SEL1L3: variants seen among roughly 807,000 people sequenced by gnomAD.
SEL1L3 encodes protein sel-1 homolog 3.
Under a neutral mutation model 142.8 loss-of-function variants are expected in SEL1L3, and 76 were observed. The observed-to-expected ratio is 0.53, with a 90% CI of 0.44 to 0.64. The LOEUF is 0.64. Ranked by LOEUF, SEL1L3 falls within the 30% of genes least tolerant of loss-of-function variation. The probability of loss-of-function intolerance (pLI) is 0.00; values close to 1 mark genes in which losing one functional copy is unlikely to be tolerated. For synonymous variants in SEL1L3, 504 were observed against 519.6 expected (o/e 0.97, Z 0.41); for missense variants, 1,262 against 1,381.7 (o/e 0.91, Z 1.37).
intron 7 of SEL1L3, 37 bp from the exon 8 acceptor site, chr4:25,819,977 G>A: frequency 6.3e-7 from 1 of 1,588,968 alleles, no homozygotes; most frequent in Non-Finnish European, 8.6e-7. Flanking sequence ...AACAACAATT[G>A]TCATCAAATA....
At chr4:25,853,737 T>G (rs531480600) in intron 1 of SEL1L3, among the ~76,000 whole-genome samples, 1 of 137,854 alleles carries the variant, frequency 7.3e-6, no homozygotes, top group East Asian at 2.5e-4. Flanking sequence ...AATAGGGCAA[T>G]CTCGGCTCAT....
chr4:25,797,898 G>T (rs532167205), intron 11 of SEL1L3, among the ~76,000 whole-genome samples: 2 of 152,294 alleles, frequency 1.3e-5, no homozygotes, highest in East Asian at 3.9e-4. Context: ...TGGGAGAGAT[G>T]TGCCTAGATG....
intron 11 of SEL1L3, among the ~76,000 whole-genome samples, chr4:25,797,302 C>T (rs1316593868): frequency 3.3e-5 from 5 of 152,168 alleles, no homozygotes; most frequent in African/African-American, 9.7e-5. Flanking sequence ...AACTCAGGAG[C>T]AGGCTCAGCT....
At chr4:25,848,762 TGCACTC>T (rs1220992425) in intron 1 of SEL1L3, among the ~76,000 whole-genome samples, 1 of 152,222 alleles carries the variant, frequency 6.6e-6, no homozygotes, top group Non-Finnish European at 1.5e-5. Flanking sequence ...GGAACCCTTA[TGCACTC>T]TTAATGAGAA....
chr4:25,750,529 G>A (rs1460375127), intron 23 of SEL1L3, among the ~76,000 whole-genome samples: 1 of 152,184 alleles, frequency 6.6e-6, no homozygotes, highest in African/African-American at 2.4e-5. Context: ...CCTAGAAATT[G>A]TATGCTATAA....
At chr4:25,828,964 C>T (rs926459086) in intron 6 of SEL1L3, among the ~76,000 whole-genome samples, 1 of 152,116 alleles carries the variant, frequency 6.6e-6, no homozygotes, top group Non-Finnish European at 1.5e-5. Flanking sequence ...ATTTTTATTT[C>T]TGATCTTTAC....
chr4:25,767,181 C>T (rs993346294), intron 19 of SEL1L3, among the ~76,000 whole-genome samples: 3 of 152,072 alleles, frequency 2.0e-5, no homozygotes, highest in Admixed American at 2.0e-4. Flanking sequence ...GAAATCCCAG[C>T]TACTCGGGCA....
chr4:25,738,830 T>C, the SEL1L3 span, among the ~76,000 whole-genome samples: 12 of 152,170 alleles, frequency 7.9e-5, no homozygotes, highest in Non-Finnish European at 1.5e-4. Context: ...GTGGTCACAC[T>C]AATGCATTTG....
At chr4:25,811,356 G>A (rs1016172592) in intron 9 of SEL1L3, among the ~76,000 whole-genome samples, 3 of 152,228 alleles carry the variant, frequency 2.0e-5, no homozygotes, top group Non-Finnish European at 2.9e-5. Context: ...GAAACAGAAC[G>A]ATGTTTTACA....
intron 11 of SEL1L3, among the ~76,000 whole-genome samples, chr4:25,801,157 C>T (rs1027423483): frequency 9.2e-5 from 14 of 152,222 alleles, no homozygotes; most frequent in Admixed American, 9.2e-4. Flanking sequence ...AATCCCAGCA[C>T]TTTGGGAGGG....
At chr4:25,766,042 T>C (rs1356888749) in intron 19 of SEL1L3, among the ~76,000 whole-genome samples, 5 of 152,196 alleles carry the variant, frequency 3.3e-5, no homozygotes, top group Non-Finnish European at 5.9e-5. Context: ...GTGTTTTACT[T>C]CACATCTGAA....
the SEL1L3 span, chr4:25,720,482 A>G: frequency 6.6e-6 from 1 of 152,202 alleles, no homozygotes; most frequent in African/African-American, 2.4e-5. Flanking sequence ...ATTGATTGGA[A>G]GTCAATGGTA....
rs1181702896 is a variant in SEL1L3, at chr4:25,794,401, TGCAGGCAA to T, written c.1957-3835_1957-3828del. Among the ~76,000 whole-genome samples the T allele has an allele frequency of 2.0e-5, 3 of 152,326 alleles. No homozygotes were observed. In the East Asian group the frequency reaches 5.8e-4, roughly 29 times the overall value. On this transcript the variant is annotated intron_variant, in intron 11 of 23. Transcript: ENST00000399878. ...GACACTTCTCAAAAGAAGACATTTA[TGCAGGCAA>T]CAAATGTAGGGGAAAAAAAGCTCAA...
chr4:25,804,417 G>T lies in SEL1L3; in HGVS notation c.1776+124C>A. ...CACAGCCCCAGGACATTTATCTTGAGTGTAAAGATTTTTAAAGGTCTCCAA... is the reference window on the plus strand; with the variant it reads ...CACAGCCCCAGGACATTTATCTTGATTGTAAAGATTTTTAAAGGTCTCCAA... On this transcript the variant is annotated intron_variant, in intron 10 of 23. Transcript: ENST00000399878. 6 of 709,444 alleles carry T rather than the reference G, an allele frequency of 8.5e-6. No individual in the cohort carries two copies. The South Asian group carries it at 1.0e-4, about 12-fold the overall frequency. The allele number at this position is 709,444 out of a possible 1,614,324, so 43.9% of individuals were successfully genotyped here. A position where few individuals can be genotyped will look rare whatever the true frequency, so the allele number is the denominator to read the frequency against.
chr4:25,732,323 C>T, the SEL1L3 span, among the ~76,000 whole-genome samples: 1 of 152,130 alleles, frequency 6.6e-6, no homozygotes, highest in African/African-American at 2.4e-5. Flanking sequence ...TATTTAGAGC[C>T]TATATTGACA....
downstream of SEL1L3, among the ~76,000 whole-genome samples, chr4:25,744,153 G>T (rs1335749284): frequency 6.6e-6 from 1 of 152,080 alleles, no homozygotes; most frequent in Non-Finnish European, 1.5e-5. Context: ...TCCCGTGAAT[G>T]AGTCCATATG....
Position 25,818,250 on chromosome 4 carries a change from G to C in SEL1L3, c.1452C>G (p.Leu484=), listed in dbSNP as rs761970262. Residue 484 remains leucine (L), a synonymous_variant, in exon 9 of 24, where the codon CTC becomes CTG. Transcript: ENST00000399878. ...TCGAGGGTCTCCCATACCTGCGCTGGAGGTCCAGGTAGGAGTTGTGGAGGT... is the reference window on the plus strand; with the variant it reads ...TCGAGGGTCTCCCATACCTGCGCTGCAGGTCCAGGTAGGAGTTGTGGAGGT... The part of the protein sequence containing the change: ...ACHLHNSYLD[L]QRRYGRPSMC... 5.2e-5 allele frequency: 84 copies of C among 1,602,430 alleles called. No individual in the cohort carries two copies. Among genetic ancestry groups the C allele is most frequent in the Non-Finnish European group, 6.2e-5 (73 of 1,174,454 alleles).
At chr4:25,855,134 A>G (rs1306999031) in intron 1 of SEL1L3, among the ~76,000 whole-genome samples, 1 of 152,234 alleles carries the variant, frequency 6.6e-6, no homozygotes, top group Non-Finnish European at 1.5e-5. Context: ...CTATGCACAA[A>G]ACCAACACTG....
intron 2 of SEL1L3, among the ~76,000 whole-genome samples, chr4:25,844,222 C>A (rs1241605250): frequency 1.3e-5 from 2 of 152,306 alleles, no homozygotes; most frequent in South Asian, 4.1e-4. Flanking sequence ...AGGCTTGGCC[C>A]CCTTCTATCC....
Sources: gnomAD v4.1 joint callset for allele counts (sites outside exome capture counted in the v4.1 genomes callset) on GRCh38, gnomAD v4.1.1 for gene constraint, MANE v1.5 for transcripts, NCBI Gene and HGNC (gene_info 2026-07-23, HGNC 2026-07-21) for gene names.